The following LCORL variants were observed in gnomAD, a reference collection of about 807,000 sequenced individuals.
LCORL encodes ligand dependent nuclear receptor corepressor like.
In LCORL, 41 loss-of-function variants were observed where a neutral mutation model predicts 141.8. The observed-to-expected ratio is 0.29, with a 90% confidence interval of 0.23 to 0.38. The LOEUF (loss-of-function observed/expected upper bound fraction) is 0.38, where lower values mean the gene tolerates loss of function less well. LCORL is among the 10% of genes least tolerant of loss of function. The pLI is 1.00. For missense variants in LCORL, 1,759 were observed against 2,035.0 expected, an observed-to-expected ratio of 0.86 and a Z score of 2.61; for synonymous variants, 618 against 694.1, an observed-to-expected ratio of 0.89 and a Z score of 1.72.
exon 7 of LCORL, chr4:17,875,409 C>T (rs559797771): frequency 2.4e-6 from 3 of 1,231,254 alleles, no homozygotes; most frequent in South Asian, 4.1e-5. Context: ...TATTCTTTCA[C>T]CCAAGTCAAT....
intron 1 of LCORL, among the ~76,000 whole-genome samples, chr4:17,994,821 T>G (rs958610747): frequency 6.6e-6 from 1 of 151,860 alleles, no homozygotes; most frequent in Admixed American, 6.6e-5. Context: ...ATTTTTTTAT[T>G]TGATAAATGC....
chr4:17,859,001 T>C (rs969471543), intron 7 of LCORL, among the ~76,000 whole-genome samples: 2 of 152,170 alleles, frequency 1.3e-5, no homozygotes, highest in Non-Finnish European at 2.9e-5. Flanking sequence ...AGTAGAACAA[T>C]ATCTGTAAAG....
Position 17,909,039 on chromosome 4 carries a change from C to A in LCORL, c.682+55G>T, listed in dbSNP as rs990857694. On this transcript the variant is annotated intron_variant, in intron 5 of 7. Transcript: ENST00000635767. ...ATGAATATAAAAAGTTATAAATATA[C>A]ATTTAACGATATAAAACATCAAATT... The A allele has an allele frequency of 5.6e-6, 8 of 1,423,822 alleles. No individual in the cohort carries two copies. In the Admixed American group the frequency reaches 1.5e-4, roughly 26 times the overall value. 88.2% of individuals were successfully genotyped at this position (1,423,822 alleles called of 1,614,324 possible).
chr4:17,944,338 C>T (rs866253383), intron 4 of LCORL, among the ~76,000 whole-genome samples: 1 of 152,208 alleles, frequency 6.6e-6, no homozygotes, highest in Middle Eastern at 3.4e-3. Flanking sequence ...ATTCACTATC[C>T]CATTCCACAT....
chr4:17,922,945 A>G (rs1276798131), intron 4 of LCORL, among the ~76,000 whole-genome samples: 1 of 152,198 alleles, frequency 6.6e-6, no homozygotes, highest in Non-Finnish European at 1.5e-5. Flanking sequence ...TTAATCGTGC[A>G]CTGCCTGAGG....
Position 17,876,804 on chromosome 4 carries a change from A to AT in LCORL, c.2185dup (p.Met729AsnfsTer20). On this transcript the variant is annotated frameshift_variant, in exon 7 of 8. Transcript: ENST00000635767. LOFTEE classifies it high-confidence loss of function. ...TTTCTCCTGTGGCTTTCTTATGCTC[A>AT]TTTTCTCAGGGGAAGTTGTTTTAAA... 1.6e-6 allele frequency: 2 copies of AT among 1,230,684 alleles called. No homozygotes were observed. Among genetic ancestry groups the AT allele is most frequent in the Non-Finnish European group, 2.0e-6 (2 of 987,028 alleles). 76.2% of individuals were successfully genotyped at this position (1,230,684 alleles called of 1,614,324 possible).
exon 7 of LCORL, chr4:17,876,899 T>A: frequency 8.1e-7 from 1 of 1,230,844 alleles, no homozygotes; most frequent in Non-Finnish European, 1.0e-6. Flanking sequence ...GTGACTGTAA[T>A]GCATAATTTG....
intron 1 of LCORL, among the ~76,000 whole-genome samples, chr4:18,008,968 T>A (rs940300868): frequency 3.3e-5 from 5 of 152,122 alleles, no homozygotes; most frequent in Non-Finnish European, 7.4e-5. Flanking sequence ...GACCCACCAC[T>A]CTTGAATTCC....
chr4:17,949,730 A>C (rs908963873), intron 4 of LCORL, among the ~76,000 whole-genome samples: 8 of 152,168 alleles, frequency 5.3e-5, no homozygotes, highest in Non-Finnish European at 1.5e-5. Context: ...TTCTGTTATA[A>C]CAAACAATCA....
intron 7 of LCORL, among the ~76,000 whole-genome samples, chr4:17,856,360 C>T (rs1724368729): frequency 2.0e-5 from 3 of 152,102 alleles, no homozygotes; most frequent in South Asian, 4.1e-4. Context: ...CGCTGGTGTT[C>T]CTGTAAGAGG....
intron 5 of LCORL, among the ~76,000 whole-genome samples, chr4:17,902,720 G>A (rs775097132): frequency 1.3e-5 from 2 of 152,034 alleles, no homozygotes; most frequent in Non-Finnish European, 2.9e-5. Flanking sequence ...ATATGCGGCT[G>A]AAATTCATAT....
At chr4:17,876,211 A>G (rs1301320046) in exon 7 of LCORL, 18 of 1,230,858 alleles carry the variant, frequency 1.5e-5, no homozygotes, top group Non-Finnish European at 1.7e-5. Context: ...TCTAAAATAG[A>G]TGACTTTTTC....
At chr4:17,858,559 A>T (rs1392508622) in intron 7 of LCORL, among the ~76,000 whole-genome samples, 1 of 129,906 alleles carries the variant, frequency 7.7e-6, no homozygotes, top group Non-Finnish European at 1.6e-5. Context: ...TGTCTTTACT[A>T]AAAAAAAAAA....
At chr4:17,877,218 T>C in exon 7 of LCORL, 2 of 1,230,354 alleles carry the variant, frequency 1.6e-6, no homozygotes, top group Non-Finnish European at 1.0e-6. Context: ...CTTTTTATCA[T>C]GTTGACTCAA....
chr4:17,850,594 G>C (rs1457038302), intron 7 of LCORL, among the ~76,000 whole-genome samples: 2 of 152,174 alleles, frequency 1.3e-5, no homozygotes, highest in Non-Finnish European at 2.9e-5. Context: ...TCTCACACCA[G>C]TTAGAATGGC....
chr4:18,007,264 A>G (rs942787918), intron 1 of LCORL, among the ~76,000 whole-genome samples: 1 of 152,236 alleles, frequency 6.6e-6, no homozygotes, highest in Non-Finnish European at 1.5e-5. Flanking sequence ...CCTGTCTTAT[A>G]AGACAGTTAT....
intron 7 of LCORL, among the ~76,000 whole-genome samples, chr4:17,869,507 TACAAC>T (rs1726084817): frequency 6.6e-6 from 1 of 152,144 alleles, no homozygotes; most frequent in Non-Finnish European, 1.5e-5. Flanking sequence ...TCTCCCTTCT[TACAAC>T]ACATTTCCAT....
At chr4:17,976,941 T>A (rs1425670022) in intron 1 of LCORL, among the ~76,000 whole-genome samples, 3 of 152,148 alleles carry the variant, frequency 2.0e-5, no homozygotes, top group Non-Finnish European at 4.4e-5. Context: ...TTGGCATGGT[T>A]TTCTTTGTTG....
At chr4:17,862,562 T>C (rs957306064) in intron 7 of LCORL, among the ~76,000 whole-genome samples, 12 of 152,016 alleles carry the variant, frequency 7.9e-5, no homozygotes, top group Non-Finnish European at 8.8e-5. Flanking sequence ...GGCTGAGAAA[T>C]AAAGCTGCAC....
Sources: allele counts gnomAD v4.1 joint callset (sites outside exome capture counted in the v4.1 genomes callset), GRCh38; gene constraint gnomAD v4.1.1; transcripts MANE v1.5; gene names NCBI Gene and HGNC (gene_info 2026-07-23, HGNC 2026-07-21).